ARHGAP5: variants seen among roughly 807,000 people sequenced by gnomAD.
ARHGAP5 encodes Rho GTPase activating protein 5.
Under a neutral mutation model 116.6 loss-of-function variants are expected in ARHGAP5, and 23 were observed. The observed-to-expected ratio is 0.20, with a 90% CI of 0.14 to 0.28. ARHGAP5 has a LOEUF of 0.28. Ranked by LOEUF, ARHGAP5 falls within the 10% of genes least tolerant of loss-of-function variation. The probability of loss-of-function intolerance (pLI) is 1.00; values close to 1 mark genes in which losing one functional copy is unlikely to be tolerated. For synonymous variants in ARHGAP5, 574 were observed against 602.0 expected (o/e 0.95, Z 0.68); for missense variants, 1,405 against 1,774.8 (o/e 0.79, Z 3.74).
chr14:32,142,991 T>TAA (rs1251220479), intron 3 of ARHGAP5, among the ~76,000 whole-genome samples: 1 of 152,214 alleles, frequency 6.6e-6, no homozygotes, highest in Non-Finnish European at 1.5e-5. Context: ...TTACCCTTTG[T>TAA]AATCTATTTT....
rs747803256 is a variant in ARHGAP5 at position 32,093,214 on chromosome 14, C to A, written c.2545C>A (p.His849Asn). ...SIGVRKDELV[H>N]GYILVYSAKR... ...TGGAGTAAGAAAAGATGAACTAGTT[C>A]ATGGGTATATATTAGTTTACTCTGC... The change falls in exon 2 of 7, where the codon CAT (histidine) becomes AAT (asparagine). Residue 849 changes from histidine to asparagine, a missense_variant. Transcript: ENST00000345122. 1 of 1,614,008 alleles carries A rather than the reference C, an allele frequency of 6.2e-7. No homozygotes were observed. The highest frequency in any genetic ancestry group is 1.1e-5 in the South Asian group (1 of 91,064).
intron 1 of ARHGAP5, among the ~76,000 whole-genome samples, chr14:32,085,508 T>C (rs1368437547): frequency 6.6e-6 from 1 of 152,198 alleles, no homozygotes; most frequent in East Asian, 1.9e-4. Context: ...TTCATCTTTT[T>C]GTTGTTGTTT....
Position 32,158,540 on chromosome 14 carries a change from A to G in ARHGAP5, c.*3592A>G, listed in dbSNP as rs988946351. 7 of 151,994 alleles carry G rather than the reference A, an allele frequency of 4.6e-5. No homozygotes were observed. Among genetic ancestry groups the G allele is most frequent in the African/African-American group, 1.2e-4 (5 of 41,438 alleles). The allele number at this position is 151,994 out of a possible 1,614,324, so 9.4% of individuals were successfully genotyped here. Reference sequence around the variant, plus strand: ...TGACTATTAGGCCAAATTTTGTGGTATATGTTGTCAGTCTGGATCTGGTGA... The same window carrying G: ...TGACTATTAGGCCAAATTTTGTGGTGTATGTTGTCAGTCTGGATCTGGTGA... On this transcript the variant is annotated 3_prime_UTR_variant, in exon 7 of 7. Coordinates refer to ENST00000345122, the MANE Select transcript of ARHGAP5 (RefSeq NM_001030055.2).
chr14:32,131,473 C>T (rs1880490973), intron 3 of ARHGAP5, among the ~76,000 whole-genome samples: 1 of 152,054 alleles, frequency 6.6e-6, no homozygotes, highest in African/African-American at 2.4e-5. Context: ...TTTGGAAAAA[C>T]TGAAACTGTA....
In ARHGAP5 at chr14:32,090,917, A is replaced by G; in HGVS notation, c.248A>G (p.Glu83Gly). 1 of 1,613,678 alleles carries G rather than the reference A, an allele frequency of 6.2e-7. No homozygotes were observed. Among genetic ancestry groups the G allele is most frequent in the Non-Finnish European group, 8.5e-7 (1 of 1,179,656 alleles). Residue 83 changes from glutamate to glycine, a missense_variant, in exon 2 of 7, where the codon GAA (glutamate) becomes GGA (glycine). Glu to Gly is a moderately conservative substitution (Grantham distance 98). Coordinates refer to ENST00000345122, the MANE Select transcript of ARHGAP5 (RefSeq NM_001030055.2). ...LYWGDIIQNS[E>G]DGVECKIHVI... ...TGGGGTGACATAATACAAAATAGTG[A>G]AGATGGAGTAGAATGCAAAATTCAT...
chr14:32,134,816 C>T (rs1018160022), intron 3 of ARHGAP5, among the ~76,000 whole-genome samples: 15 of 152,134 alleles, frequency 9.9e-5, no homozygotes, highest in African/African-American at 3.6e-4. Flanking sequence ...AATTTATAGC[C>T]ATTCCGTTTA....
intron 2 of ARHGAP5, among the ~76,000 whole-genome samples, chr14:32,109,599 T>A (rs959100100): frequency 6.6e-6 from 1 of 152,184 alleles, no homozygotes; most frequent in Non-Finnish European, 1.5e-5. Flanking sequence ...GAATTAGTTT[T>A]ACAATATTCA....
At position 32,155,911 on chromosome 14, in the gene ARHGAP5, G is replaced by A. The variant is rs1881871663; in HGVS notation, c.*963G>A. ...TCTTTAAACCAAACATTTAAATCTA[G>A]GACTTCAATTTAATTTGTTCCTTGA... On this transcript the variant is annotated 3_prime_UTR_variant, in exon 7 of 7. Transcript: ENST00000345122. 1 of 152,340 alleles carries A rather than the reference G, an allele frequency of 6.6e-6. No individual in the cohort carries two copies. Among genetic ancestry groups the A allele is most frequent in the Non-Finnish European group, 1.5e-5 (1 of 67,946 alleles). 9.4% of individuals were successfully genotyped at this position (152,340 alleles called of 1,614,324 possible). A position where few individuals can be genotyped will look rare whatever the true frequency, so the allele number is the denominator to read the frequency against.
chr14:32,128,948 C>T (rs1279634687), intron 3 of ARHGAP5, among the ~76,000 whole-genome samples: 3 of 152,282 alleles, frequency 2.0e-5, no homozygotes, highest in South Asian at 2.1e-4. Context: ...TTTAAAAGTG[C>T]ACTGTCTTCA....
intron 1 of ARHGAP5, 100 bp from the exon 2 acceptor site, chr14:32,090,399 CATT>C (rs1231014314): frequency 4.5e-5 from 19 of 426,352 alleles, no homozygotes; most frequent in East Asian, 4.1e-4. Flanking sequence ...ATACATGTAT[CATT>C]ATTATTAATT....
rs544925291 is a variant in ARHGAP5 at position 32,157,047 on chromosome 14, C to T, written c.*2099C>T. The T allele has an allele frequency of 4.6e-5, 7 of 152,338 alleles. No homozygotes were observed. The highest frequency in any genetic ancestry group is 3.3e-4 in the Admixed American group (5 of 15,248). 9.4% of individuals were successfully genotyped at this position (152,338 alleles called of 1,614,324 possible). A position where few individuals can be genotyped will look rare whatever the true frequency, so the allele number is the denominator to read the frequency against. On this transcript the variant is annotated 3_prime_UTR_variant, in exon 7 of 7. Coordinates refer to ENST00000345122, the MANE Select transcript of ARHGAP5 (RefSeq NM_001030055.2). The stretch of plus-strand genomic sequence containing the variant: ...TTTTGTTATTAAAACTGGCATTTAC[C>T]GTTTTTCACATTAACCCACCTTGCA...
At chr14:32,116,809 C>T (rs1338245505) in intron 2 of ARHGAP5, among the ~76,000 whole-genome samples, 1 of 152,188 alleles carries the variant, frequency 6.6e-6, no homozygotes, top group Non-Finnish European at 1.5e-5. Context: ...ATATATCACA[C>T]CTAAACTGAA....
At chr14:32,147,680 G>A (rs1023662850) in intron 4 of ARHGAP5, among the ~76,000 whole-genome samples, 3 of 152,022 alleles carry the variant, frequency 2.0e-5, no homozygotes, top group Admixed American at 1.3e-4. Context: ...AGGGGTGTTG[G>A]GGGGTACCAC....
At chr14:32,100,599 G>A (rs1033487828) in intron 2 of ARHGAP5, among the ~76,000 whole-genome samples, 1 of 152,126 alleles carries the variant, frequency 6.6e-6, no homozygotes, top group Admixed American at 6.6e-5. Flanking sequence ...GTATATGGAA[G>A]GATATGCATA....
At chr14:32,123,694 T>C (rs1880003217) in intron 3 of ARHGAP5, among the ~76,000 whole-genome samples, 1 of 152,184 alleles carries the variant, frequency 6.6e-6, no homozygotes, top group African/African-American at 2.4e-5. Context: ...TTAGATTTGC[T>C]CGGTGCTTCT....
At chr14:32,114,242 T>A (rs1042942015) in intron 2 of ARHGAP5, among the ~76,000 whole-genome samples, 2 of 149,286 alleles carry the variant, frequency 1.3e-5, no homozygotes, top group Admixed American at 6.6e-5. Flanking sequence ...AAAAAAAAAA[T>A]CTACCCAAGT....
intron 5 of ARHGAP5, among the ~76,000 whole-genome samples, chr14:32,150,549 A>G (rs903343809): frequency 3.9e-5 from 6 of 152,216 alleles, no homozygotes; most frequent in Admixed American, 3.9e-4. Flanking sequence ...TGGAAGGGCA[A>G]GAGAGCACAC....
In ARHGAP5 at chr14:32,159,666, T is replaced by A. The variant is rs1882029275; in HGVS notation, c.*4718T>A. The A allele has an allele frequency of 6.6e-6, 1 of 152,170 alleles. No homozygotes were observed. The highest frequency in any genetic ancestry group is 1.5e-5 in the Non-Finnish European group (1 of 68,028). 9.4% of individuals were successfully genotyped at this position (152,170 alleles called of 1,614,324 possible). On this transcript the variant is annotated 3_prime_UTR_variant, in exon 7 of 7. Coordinates refer to ENST00000345122, the MANE Select transcript of ARHGAP5 (RefSeq NM_001030055.2). ...CCAGCTTTAACTTTGGGGCTCTTAGTTTCTTTTCTCCAGATTCTTGTTATT... is the reference window on the plus strand; with the variant it reads ...CCAGCTTTAACTTTGGGGCTCTTAGATTCTTTTCTCCAGATTCTTGTTATT...
rs568096127 is a variant in ARHGAP5, at chr14:32,134,788, T to C, written c.3866-11475T>C. On this transcript the variant is annotated intron_variant, in intron 3 of 6. Transcript: ENST00000345122. Reference sequence around the variant, plus strand: ...TTGTCTTTTGCTTATCCTAAGTGTATCTTTAAGTAGTTTGAGTAATTTATA... The same window carrying C: ...TTGTCTTTTGCTTATCCTAAGTGTACCTTTAAGTAGTTTGAGTAATTTATA... Among the ~76,000 whole-genome samples, 6 of 152,344 alleles carry C rather than the reference T, an allele frequency of 3.9e-5. No homozygotes were observed. The East Asian group carries it at 1.2e-3, about 29-fold the overall frequency.
Sources: gnomAD v4.1 joint callset for allele counts (sites outside exome capture counted in the v4.1 genomes callset) on GRCh38, gnomAD v4.1.1 for gene constraint, MANE v1.5 for transcripts, NCBI Gene and HGNC (gene_info 2026-07-23, HGNC 2026-07-21) for gene names.